The following WDPCP variants were observed in gnomAD, a reference collection of about 807,000 sequenced individuals.
WDPCP encodes the protein WD repeat-containing and planar cell polarity effector protein fritz homolog.
In WDPCP, 71 loss-of-function variants were observed where a neutral mutation model predicts 93.1. The ratio of observed to expected loss-of-function variants is 0.76; its 90% CI spans 0.63 to 0.93. The LOEUF (loss-of-function observed/expected upper bound fraction) is 0.93. WDPCP is among the 40% of genes least tolerant of loss of function. The pLI, the probability that WDPCP is intolerant of heterozygous loss-of-function variation, is 0.00. For missense variants in WDPCP, 844 were observed against 887.4 expected (o/e 0.95, Z 0.62); for synonymous variants, 315 against 315.0 (o/e 1.00, Z 0.00).
intron 13 of WDPCP, among the ~76,000 whole-genome samples, chr2:63,291,771 T>G (rs1460647070): frequency 6.7e-6 from 1 of 150,102 alleles, no homozygotes; most frequent in Non-Finnish European, 1.5e-5. Flanking sequence ...ATTGTGCCAT[T>G]GCACTCCAGC....
At chr2:63,317,864 T>G (rs999394134) in intron 12 of WDPCP, among the ~76,000 whole-genome samples, 1 of 152,068 alleles carries the variant, frequency 6.6e-6, no homozygotes, top group Non-Finnish European at 1.5e-5. Flanking sequence ...GGCAAAGATG[T>G]CATGACAGAG....
At chr2:63,338,570 ATATATATATATATATATATATAT>A (rs1688615980) in intron 12 of WDPCP, among the ~76,000 whole-genome samples, 1 of 5,318 alleles carries the variant, frequency 1.9e-4, no homozygotes, top group Non-Finnish European at 2.4e-4. Context: ...AAAAAAAAAA[ATATATATATATATATATATATAT>A]ATATATATAT....
At position 63,238,176 on chromosome 2, in the gene WDPCP, T is replaced by C. The variant is rs1199771940; in HGVS notation, c.1915+21131A>G. Among the ~76,000 whole-genome samples the C allele has an allele frequency of 3.9e-5, 6 of 152,106 alleles. No homozygotes were observed. In the South Asian group the frequency reaches 1.2e-3, roughly 32 times the overall value. On this transcript the variant is annotated intron_variant, in intron 14 of 17. Coordinates refer to ENST00000272321, the MANE Select transcript of WDPCP (RefSeq NM_015910.7). ...CTATTAGCAACTCATTCTTCAAAGG[T>C]TATTTTTGTCTCAGATAATTACACC...
chr2:63,487,633 A>G (rs1700646142), intron 2 of WDPCP, 139 bp from the exon 3 acceptor site: 4 of 595,506 alleles, frequency 6.7e-6, no homozygotes, highest in African/African-American at 5.6e-5. Context: ...AAATGGCTCA[A>G]AAGCATCCGG....
At chr2:63,537,464 G>A (rs1013506837) in intron 1 of WDPCP, among the ~76,000 whole-genome samples, 9 of 152,106 alleles carry the variant, frequency 5.9e-5, no homozygotes, top group African/African-American at 2.2e-4. Context: ...TTGCACCAAG[G>A]ATGAAATTCT....
chr2:63,681,630 C>A (rs1467156806), intron 2 of WDPCP, among the ~76,000 whole-genome samples: 1 of 152,194 alleles, frequency 6.6e-6, no homozygotes, highest in Non-Finnish European at 1.5e-5. Flanking sequence ...AAGGGAAGGA[C>A]ACAGGCCTGG....
intron 12 of WDPCP, among the ~76,000 whole-genome samples, chr2:63,372,027 T>A (rs1691437334): frequency 6.6e-6 from 1 of 152,188 alleles, no homozygotes; most frequent in South Asian, 2.1e-4. Context: ...CATGGTTCTG[T>A]AGCCTATACA....
intron 1 of WDPCP, among the ~76,000 whole-genome samples, chr2:63,817,912 T>C (rs185691109): frequency 6.6e-6 from 1 of 152,280 alleles, no homozygotes; most frequent in Non-Finnish European, 1.5e-5. Context: ...GGCACTTAGG[T>C]GAGATTTTCA....
At chr2:63,658,349 T>C (rs1367402136) in intron 2 of WDPCP, among the ~76,000 whole-genome samples, 2 of 152,144 alleles carry the variant, frequency 1.3e-5, no homozygotes, top group Non-Finnish European at 2.9e-5. Flanking sequence ...CAGAGTAAAA[T>C]AGCTTCAGAA....
chr2:63,287,690 A>G lies in WDPCP; in HGVS notation c.1812+25558T>C, dbSNP rs547493432. Among the ~76,000 whole-genome samples the G allele has an allele frequency of 9.2e-5, 14 of 152,356 alleles. No individual in the cohort carries two copies. The South Asian group carries it at 2.7e-3, about 29-fold the overall frequency. ...ATTTTTAAAACACACATGCATACACATGCATCTTCCATCATTTCCAGAGAT... is the reference window on the plus strand; with the variant it reads ...ATTTTTAAAACACACATGCATACACGTGCATCTTCCATCATTTCCAGAGAT... On this transcript the variant is annotated intron_variant, in intron 13 of 17. Coordinates refer to ENST00000272321, the MANE Select transcript of WDPCP (RefSeq NM_015910.7).
At chr2:63,167,787 T>C (rs1254409502) in intron 15 of WDPCP, among the ~76,000 whole-genome samples, 1 of 152,222 alleles carries the variant, frequency 6.6e-6, no homozygotes, top group Non-Finnish European at 1.5e-5. Flanking sequence ...TATTTCTTGT[T>C]ACTTTTTGCC....
intron 14 of WDPCP, among the ~76,000 whole-genome samples, chr2:63,244,483 A>G (rs1002860176): frequency 1.3e-5 from 2 of 152,148 alleles, no homozygotes; most frequent in African/African-American, 4.8e-5. Context: ...TAGATTAACA[A>G]CGAAAAAAAG....
At chr2:63,317,028 G>C (rs185738265) in intron 12 of WDPCP, among the ~76,000 whole-genome samples, 35 of 152,280 alleles carry the variant, frequency 2.3e-4, no homozygotes, top group African/African-American at 7.5e-4. Context: ...ACAAAACACT[G>C]TGGAAAGAAA....
intron 14 of WDPCP, among the ~76,000 whole-genome samples, chr2:63,242,413 A>G (rs1418888543): frequency 6.6e-6 from 1 of 152,214 alleles, no homozygotes; most frequent in Non-Finnish European, 1.5e-5. Flanking sequence ...TGAGGATTAT[A>G]TAAAAGAAGT....
intron 2 of WDPCP, among the ~76,000 whole-genome samples, chr2:63,687,191 C>G (rs1428565581): frequency 4.6e-5 from 7 of 152,190 alleles, no homozygotes; most frequent in Non-Finnish European, 7.4e-5. Context: ...GTTGGACAAG[C>G]TTGACGTAAA....
Position 63,128,771 on chromosome 2 carries a change from C to T in WDPCP, c.2191-6715G>A, listed in dbSNP as rs551651342. 2.4e-4 allele frequency among the ~76,000 whole-genome samples: 36 copies of T among 152,302 alleles called. 1 individual carries two copies. Among genetic ancestry groups the T allele is most frequent in the Admixed American group, 2.6e-4 (4 of 15,290 alleles). On this transcript the variant is annotated intron_variant, in intron 17 of 17. Transcript: ENST00000272321. The stretch of plus-strand genomic sequence containing the variant: ...ACAACCTCCGCCTCCTGGGTTCAAG[C>T]GATTCTCCTGCCTCAACCTCTCGAG...
At chr2:63,158,973 C>CAAAA (rs34001322) in intron 15 of WDPCP, among the ~76,000 whole-genome samples, 5 of 61,138 alleles carry the variant, frequency 8.2e-5, no homozygotes, top group Non-Finnish European at 1.1e-4. Flanking sequence ...CTCATCTCTA[C>CAAAA]AAAAAAAAAA....
At chr2:63,471,028 G>T (rs12713494) in intron 6 of WDPCP, among the ~76,000 whole-genome samples, 123,439 of 152,136 alleles carry the variant, frequency 0.81, 50,897 homozygotes, top group East Asian at 0.98. Flanking sequence ...ATGAGGCCCA[G>T]CCTGCCCTAC....
At chr2:63,445,527 G>C (rs1342663179) in intron 6 of WDPCP, among the ~76,000 whole-genome samples, 2 of 152,096 alleles carry the variant, frequency 1.3e-5, no homozygotes, top group East Asian at 3.8e-4. Flanking sequence ...TAAAAGAAAA[G>C]TGATCATTCC....
Sources: gnomAD v4.1 joint callset for allele counts (sites outside exome capture counted in the v4.1 genomes callset) on GRCh38, gnomAD v4.1.1 for gene constraint, MANE v1.5 for transcripts, NCBI Gene and HGNC (gene_info 2026-07-23, HGNC 2026-07-21) for gene names.